The following EIF2A variants were observed in gnomAD, a reference collection of about 807,000 sequenced individuals.
EIF2A encodes eukaryotic translation initiation factor 2A, also known as 65 kDa eukaryotic translation initiation factor 2A.
In EIF2A, 62 loss-of-function variants were observed where a neutral mutation model predicts 75.2. The ratio of observed to expected loss-of-function variants is 0.82; its 90% confidence interval spans 0.67 to 1.02. EIF2A has a LOEUF of 1.02. Among genes scored for constraint, EIF2A ranks in the 50% least tolerant of loss-of-function variants. The pLI is 0.00. For synonymous variants in EIF2A, 207 were observed against 239.0 expected, an observed-to-expected ratio of 0.87 and a Z score of 1.23; for missense variants, 611 against 677.7, an observed-to-expected ratio of 0.90 and a Z score of 1.09.
chr3:150,560,964 A>T (rs1723823490), intron 3 of EIF2A, among the ~76,000 whole-genome samples: 1 of 152,132 alleles, frequency 6.6e-6, no homozygotes, highest in African/African-American at 2.4e-5. Flanking sequence ...CATAGAAAAC[A>T]TCCCAAAATG....
At position 150,572,261 on chromosome 3, in the gene EIF2A, T is replaced by G; in HGVS notation, c.1115T>G (p.Ile372Ser). ...GCTTGGTGCCCGGATGGTGAGCATA[T>G]TTTAACAGCTACATGTGCTCCCAGG... Reference protein sequence around the residue: ...YFAWCPDGEHILTATCAPRLR... With the variant: ...YFAWCPDGEHSLTATCAPRLR... Residue 372 changes from isoleucine (I) to serine (S), a missense_variant, in exon 10 of 14, where the codon ATT becomes AGT. Transcript: ENST00000460851. The G allele has an allele frequency of 1.2e-6, 2 of 1,613,988 alleles. No individual in the cohort carries two copies. Among genetic ancestry groups the G allele is most frequent in the South Asian group, 1.1e-5 (1 of 91,080 alleles).
chr3:150,552,584 C>G, intron 2 of EIF2A, 159 bp downstream of exon 2: 2 of 569,318 alleles, frequency 3.5e-6, no homozygotes, highest in Non-Finnish European at 5.9e-6. Flanking sequence ...TATTCTCTAT[C>G]AAGGAAAATG....
intron 2 of EIF2A, among the ~76,000 whole-genome samples, chr3:150,556,112 T>G (rs891175197): frequency 6.6e-6 from 1 of 152,160 alleles, no homozygotes; most frequent in Non-Finnish European, 1.5e-5. Context: ...CTCTGCAGAT[T>G]CAAAGACAAC....
intron 10 of EIF2A, among the ~76,000 whole-genome samples, chr3:150,573,032 AAG>A (rs1724633158): frequency 6.6e-6 from 1 of 152,174 alleles, no homozygotes; most frequent in Non-Finnish European, 1.5e-5. Flanking sequence ...TAGATTTAAA[AAG>A]AAAGTATATA....
chr3:150,563,108 A>G (rs1208977972), intron 4 of EIF2A, among the ~76,000 whole-genome samples: 2 of 152,218 alleles, frequency 1.3e-5, no homozygotes, highest in Non-Finnish European at 2.9e-5. Flanking sequence ...ACTTAATGAT[A>G]ATACATTATA....
At chr3:150,553,828 G>A (rs1723435064) in intron 2 of EIF2A, among the ~76,000 whole-genome samples, 1 of 152,182 alleles carries the variant, frequency 6.6e-6, no homozygotes, top group South Asian at 2.1e-4. Context: ...AGAGTGAAAA[G>A]ATAGACTTGC....
chr3:150,572,932 C>A (rs72616683), intron 10 of EIF2A, among the ~76,000 whole-genome samples: 30,467 of 151,054 alleles, frequency 0.2, 3,337 homozygotes, highest in East Asian at 0.4. Context: ...TAATTTCCAT[C>A]GAAATGTTCT....
rs1203546406 is a variant in EIF2A, at chr3:150,583,906, A to G, written c.1753A>G (p.Ile585Val). 1 of 1,613,576 alleles carries G rather than the reference A, an allele frequency of 6.2e-7. No individual in the cohort carries two copies. Among genetic ancestry groups the G allele is most frequent in the East Asian group, 2.2e-5 (1 of 44,802 alleles). ...GGAGCTGGAAGATTTGGAATTGGGT[A>G]TTTAAAGATTCACGGAAAGCAAGTT... ...LQELEDLELG[I>V] Residue 585 changes from isoleucine (I) to valine (V), a missense_variant, in exon 14 of 14, where the codon ATT becomes GTT. Transcript: ENST00000460851.
intron 6 of EIF2A, chr3:150,567,435 T>A (rs1490716360): frequency 1.2e-5 from 4 of 335,472 alleles, no homozygotes; most frequent in Non-Finnish European, 2.2e-5. Context: ...TAAAACCAAT[T>A]ACTGAGAGTT....
intron 2 of EIF2A, among the ~76,000 whole-genome samples, chr3:150,554,871 C>T (rs1723480325): frequency 6.6e-6 from 1 of 152,228 alleles, no homozygotes; most frequent in South Asian, 2.1e-4. Flanking sequence ...AAATGCATCT[C>T]AGGCCCTACC....
intron 3 of EIF2A, among the ~76,000 whole-genome samples, chr3:150,559,644 C>G (rs1032371831): frequency 6.6e-6 from 1 of 151,930 alleles, no homozygotes; most frequent in Non-Finnish European, 1.5e-5. Context: ...GCAGACAACA[C>G]CACATCTGGT....
chr3:150,548,474 C>G (rs138883457), intron 1 of EIF2A, among the ~76,000 whole-genome samples: 1 of 152,168 alleles, frequency 6.6e-6, no homozygotes, highest in Non-Finnish European at 1.5e-5. Flanking sequence ...TATCTGTCTT[C>G]TCAGTACTAG....
chr3:150,552,929 G>A (rs951894549), intron 2 of EIF2A: 2 of 152,652 alleles, frequency 1.3e-5, no homozygotes, highest in Non-Finnish European at 2.9e-5. Flanking sequence ...GTTACAGAAT[G>A]CGGGGGAGAG....
At chr3:150,551,898 ATATATT>A (rs909120238) in intron 1 of EIF2A, among the ~76,000 whole-genome samples, 41 of 152,160 alleles carry the variant, frequency 2.7e-4, no homozygotes, top group Middle Eastern at 3.2e-3. Flanking sequence ...TAAATTGTGA[ATATATT>A]AATATTGCCT....
intron 5 of EIF2A, 29 bp from the exon 6 acceptor site, chr3:150,564,270 T>TA (rs765349251): frequency 6.7e-7 from 1 of 1,492,110 alleles, no homozygotes; most frequent in Admixed American, 2.5e-5. Flanking sequence ...GAATATTTTT[T>TA]ATACTTTTTT....
chr3:150,562,635 C>G lies in EIF2A; in HGVS notation c.267C>G (p.Val89=), dbSNP rs1363107287. 1 of 1,613,098 alleles carries G rather than the reference C, an allele frequency of 6.2e-7. No homozygotes were observed. Among genetic ancestry groups the G allele is most frequent in the Non-Finnish European group, 8.5e-7 (1 of 1,179,516 alleles). The change falls in exon 4 of 14, where the codon GTC becomes GTG. Residue 89 remains valine (V), a synonymous_variant. Coordinates refer to ENST00000460851, the MANE Select transcript of EIF2A (RefSeq NM_032025.5). ...TTGAATTCTCACCCAAAAATACTGTCCTGGCAACGTGGCAGCCTTACACTA... is the reference window on the plus strand; with the variant it reads ...TTGAATTCTCACCCAAAAATACTGTGCTGGCAACGTGGCAGCCTTACACTA... The part of the protein sequence containing the change: ...VCLEFSPKNT[V]LATWQPYTTS...
intron 2 of EIF2A, chr3:150,552,910 G>T (rs1173243521): frequency 6.5e-6 from 1 of 153,300 alleles, no homozygotes; most frequent in African/African-American, 2.4e-5. Flanking sequence ...TTATCTATAG[G>T]GGGAGAGAGT....
At position 150,584,011 on chromosome 3, in the gene EIF2A, G is replaced by A; in HGVS notation, c.*100G>A. Reference sequence around the variant, plus strand: ...GAATATTCCTGTGCCCACACTTAATGTCAATCTATAATTTTAACCATTTAT... The same window carrying A: ...GAATATTCCTGTGCCCACACTTAATATCAATCTATAATTTTAACCATTTAT... On this transcript the variant is annotated 3_prime_UTR_variant, in exon 14 of 14. Coordinates refer to ENST00000460851, the MANE Select transcript of EIF2A (RefSeq NM_032025.5). 1 of 1,074,980 alleles carries A rather than the reference G, an allele frequency of 9.3e-7. No individual in the cohort carries two copies. Among genetic ancestry groups the A allele is most frequent in the Non-Finnish European group, 1.3e-6 (1 of 743,924 alleles). 66.6% of individuals were successfully genotyped at this position (1,074,980 alleles called of 1,614,324 possible).
rs1336276532 is a variant in EIF2A at position 150,585,708 on chromosome 3, G to A, written c.*1797G>A. 6.6e-6 allele frequency among the ~76,000 whole-genome samples: 1 copy of A among 152,198 alleles called. No homozygotes were observed. The highest frequency in any genetic ancestry group is 1.5e-5 in the Non-Finnish European group (1 of 68,042). ...GACAGGAAGTTAATAGACTGACTGT[G>A]CCACCTTAAAACTCGTATGTTGAAG... is the stretch of plus-strand genomic sequence containing the variant. On this transcript the variant is annotated 3_prime_UTR_variant, in exon 14 of 14. Transcript: ENST00000460851.
Sources: allele counts gnomAD v4.1 joint callset (sites outside exome capture counted in the v4.1 genomes callset), GRCh38; gene constraint gnomAD v4.1.1; transcripts MANE v1.5; gene names NCBI Gene and HGNC (gene_info 2026-07-23, HGNC 2026-07-21).